Variants in HHAT observed in about 807,000 individuals in gnomAD.
HHAT encodes the protein protein-cysteine N-palmitoyltransferase HHAT.
A neutral mutation model predicts 70.8 loss-of-function variants in HHAT; 47 were observed. That is an observed-to-expected ratio of 0.66 (90% CI 0.53 to 0.85). The LOEUF is 0.85. HHAT is among the 40% of genes least tolerant of loss of function. The pLI, the probability that HHAT is intolerant of heterozygous loss-of-function variation, is 0.00. For synonymous variants in HHAT, 228 were observed against 247.6 expected (o/e 0.92, Z 0.74); for missense variants, 609 against 604.8 (o/e 1.01, Z -0.07).
intron 11 of HHAT, among the ~76,000 whole-genome samples, chr1:210,664,280 A>G (rs541025723): frequency 2.0e-5 from 3 of 152,362 alleles, no homozygotes; most frequent in Admixed American, 6.5e-5. Flanking sequence ...TGACTCCATG[A>G]TATCTCCAGA....
intron 9 of HHAT, among the ~76,000 whole-genome samples, chr1:210,520,236 C>T (rs1290554517): frequency 2.0e-5 from 3 of 151,970 alleles, no homozygotes; most frequent in African/African-American, 7.3e-5. Context: ...AGGCTGGTCT[C>T]GAACTCCTGA....
intron 9 of HHAT, among the ~76,000 whole-genome samples, chr1:210,530,358 G>T (rs928141603): frequency 1.3e-5 from 2 of 152,000 alleles, no homozygotes; most frequent in Non-Finnish European, 2.9e-5. Context: ...GAGTAAAGGG[G>T]TATAAACAAG....
intron 11 of HHAT, among the ~76,000 whole-genome samples, chr1:210,656,113 G>A (rs1676351935): frequency 6.6e-6 from 1 of 152,142 alleles, no homozygotes; most frequent in South Asian, 2.1e-4. Flanking sequence ...TTCATCTCCT[G>A]TCACTTCCAT....
intron 11 of HHAT, among the ~76,000 whole-genome samples, chr1:210,625,732 C>T (rs1014480792): frequency 2.0e-5 from 3 of 152,222 alleles, no homozygotes; most frequent in African/African-American, 7.2e-5. Context: ...GTTTCTCTGA[C>T]AGTTCAATAC....
chr1:210,538,144 A>G (rs1460145991), intron 9 of HHAT, among the ~76,000 whole-genome samples: 2 of 149,742 alleles, frequency 1.3e-5, no homozygotes, highest in African/African-American at 2.5e-5. Flanking sequence ...GTAATTTGCT[A>G]TTATAGTATG....
At chr1:210,594,390 T>G (rs1393691054) in intron 10 of HHAT, among the ~76,000 whole-genome samples, 2 of 152,200 alleles carry the variant, frequency 1.3e-5, no homozygotes, top group Non-Finnish European at 2.9e-5. Context: ...AACTGACATC[T>G]TAACACTAAT....
At chr1:210,364,279 G>C (rs1448011159) in intron 3 of HHAT, among the ~76,000 whole-genome samples, 1 of 152,130 alleles carries the variant, frequency 6.6e-6, no homozygotes, top group African/African-American at 2.4e-5. Flanking sequence ...GTAGTATTGT[G>C]CCCACTTCAG....
At chr1:210,464,366 T>C (rs1338505489) in intron 7 of HHAT, 139 bp from the exon 8 acceptor site, 6 of 795,600 alleles carry the variant, frequency 7.5e-6, no homozygotes, top group Non-Finnish European at 8.4e-6. Flanking sequence ...TGGAATACTT[T>C]TGTGAAATGT....
chr1:210,433,560 G>C (rs1200734747), intron 7 of HHAT, among the ~76,000 whole-genome samples: 1 of 35,294 alleles, frequency 2.8e-5, no homozygotes, highest in African/African-American at 1.0e-4. Context: ...TCCTCTCCTG[G>C]TGGGGGTGGA....
At chr1:210,419,920 C>A (rs1462825452) in intron 7 of HHAT, among the ~76,000 whole-genome samples, 1 of 152,106 alleles carries the variant, frequency 6.6e-6, no homozygotes, top group African/African-American at 2.4e-5. Flanking sequence ...TAATGGAAGA[C>A]ACAACTCAAA....
chr1:210,439,556 A>G (rs1311373113), intron 7 of HHAT: 1 of 151,840 alleles, frequency 6.6e-6, no homozygotes, highest in African/African-American at 2.4e-5. Flanking sequence ...AGAATCCCAC[A>G]TATATAGGTC....
intron 9 of HHAT, among the ~76,000 whole-genome samples, chr1:210,530,776 A>G (rs534995160): frequency 1.2e-4 from 19 of 152,328 alleles, no homozygotes; most frequent in African/African-American, 3.4e-4. Context: ...AACTAAGCCA[A>G]TAGGAAAAAG....
chr1:210,548,773 G>T (rs2095504722), intron 9 of HHAT, among the ~76,000 whole-genome samples: 1 of 152,200 alleles, frequency 6.6e-6, no homozygotes. Context: ...TGTTAAGAAG[G>T]TAGATCACGG....
At chr1:210,432,814 A>C (rs184892446) in intron 7 of HHAT, among the ~76,000 whole-genome samples, 1 of 151,906 alleles carries the variant, frequency 6.6e-6, no homozygotes, top group Admixed American at 6.5e-5. Flanking sequence ...TTTTGGTGCT[A>C]ATCCTTCTTG....
chr1:210,432,366 G>T (rs2093270512), intron 7 of HHAT, among the ~76,000 whole-genome samples: 1 of 151,928 alleles, frequency 6.6e-6, no homozygotes, highest in Non-Finnish European at 1.5e-5. Flanking sequence ...AAAGGAGGAA[G>T]CCAGTGGTTT....
At chr1:210,554,974 G>A (rs767784485) in intron 9 of HHAT, among the ~76,000 whole-genome samples, 1 of 152,166 alleles carries the variant, frequency 6.6e-6, no homozygotes, top group South Asian at 2.1e-4. Context: ...CTGCCCACCA[G>A]ATAAAGGGGG....
intron 7 of HHAT, among the ~76,000 whole-genome samples, chr1:210,453,651 T>C (rs997937561): frequency 1.3e-5 from 2 of 152,210 alleles, no homozygotes; most frequent in African/African-American, 4.8e-5. Flanking sequence ...CAGAAAATAC[T>C]TGTATGTTTC....
intron 10 of HHAT, among the ~76,000 whole-genome samples, chr1:210,595,392 T>G (rs1431984103): frequency 6.6e-6 from 1 of 152,226 alleles, no homozygotes; most frequent in Non-Finnish European, 1.5e-5. Context: ...TGGTTCCAAG[T>G]CTTTGCTATT....
intron 3 of HHAT, among the ~76,000 whole-genome samples, chr1:210,386,229 T>C (rs866368406): frequency 6.0e-5 from 6 of 99,404 alleles, no homozygotes; most frequent in South Asian, 7.7e-4. Flanking sequence ...TTTCTTTTTT[T>C]CTTTTTTTTT....
Sources: allele counts gnomAD v4.1 joint callset (sites outside exome capture counted in the v4.1 genomes callset), GRCh38; gene constraint gnomAD v4.1.1; transcripts MANE v1.5; gene names NCBI Gene and HGNC (gene_info 2026-07-23, HGNC 2026-07-21).